IL6R: variants seen among roughly 807,000 people sequenced by gnomAD.
IL6R encodes the protein interleukin 6 receptor.
In IL6R, 38 loss-of-function variants were observed where a neutral mutation model predicts 48.3. The ratio of observed to expected loss-of-function variants is 0.79; its 90% CI spans 0.61 to 1.03. The LOEUF (loss-of-function observed/expected upper bound fraction) is 1.03. Among genes scored for constraint, IL6R ranks in the 50% least tolerant of loss-of-function variants. IL6R has a pLI of 0.00. For missense variants in IL6R, 534 were observed against 618.3 expected, an observed-to-expected ratio of 0.86 and a Z score of 1.45; for synonymous variants, 264 against 256.2, an observed-to-expected ratio of 1.03 and a Z score of -0.29.
intron 1 of IL6R, among the ~76,000 whole-genome samples, chr1:154,407,640 G>T (rs1202525104): frequency 2.0e-5 from 3 of 152,240 alleles, no homozygotes; most frequent in Non-Finnish European, 4.4e-5. Context: ...TTAGAGAAGT[G>T]AGGAGCAGAG....
intron 1 of IL6R, among the ~76,000 whole-genome samples, chr1:154,417,828 G>A (rs1329180995): frequency 6.7e-6 from 1 of 149,974 alleles, no homozygotes; most frequent in African/African-American, 2.5e-5. Flanking sequence ...GCAACCTTCC[G>A]GTTTCAAGCG....
At chr1:154,424,673 A>G (rs547496603) in intron 1 of IL6R, among the ~76,000 whole-genome samples, 1 of 152,218 alleles carries the variant, frequency 6.6e-6, no homozygotes, top group African/African-American at 2.4e-5. Context: ...TGCATCTTCC[A>G]TACGTAACCG....
rs528052637 is a variant in IL6R at position 154,428,818 on chromosome 1, C to T, written c.86-378C>T. Among the ~76,000 whole-genome samples the T allele has an allele frequency of 2.6e-5, 4 of 152,024 alleles. No individual in the cohort carries two copies. The South Asian group carries it at 6.3e-4, about 24-fold the overall frequency. On this transcript the variant is annotated intron_variant, in intron 1 of 9. Transcript: ENST00000368485. ...GGAAGAACGAGTGTGAGGAGGAGAG[C>T]GAGGGGAGTTGAGGGGAGGGCTCCA...
rs924739770 is a variant in IL6R at position 154,405,573 on chromosome 1, G to A, written c.-57G>A. 591 of 890,980 alleles carry A rather than the reference G, an allele frequency of 6.6e-4. 1 individual carries two copies. The highest frequency in any genetic ancestry group is 8.1e-4 in the Non-Finnish European group (543 of 668,022). 55.2% of individuals were successfully genotyped at this position (890,980 alleles called of 1,614,324 possible). A position where few individuals can be genotyped will look rare whatever the true frequency, so the allele number is the denominator to read the frequency against. Reference sequence around the variant, plus strand: ...CCGCCCCTGCCACCCCTGCCGCCCGGTTCCCATTAGCCTGTCCGCCTCTGC... The same window carrying A: ...CCGCCCCTGCCACCCCTGCCGCCCGATTCCCATTAGCCTGTCCGCCTCTGC... On this transcript the variant is annotated 5_prime_UTR_variant, in exon 1 of 10. Transcript: ENST00000368485. The surrounding 1 kb of genome is among the most constrained non-coding windows in gnomAD (Gnocchi z 5.2).
At chr1:154,430,072 G>A (rs1461405545) in intron 2 of IL6R, among the ~76,000 whole-genome samples, 2 of 152,020 alleles carry the variant, frequency 1.3e-5, no homozygotes, top group African/African-American at 4.8e-5. Flanking sequence ...GGGAAAGCAG[G>A]CTTATCATCA....
chr1:154,463,477 T>C (rs1691375263), intron 9 of IL6R, among the ~76,000 whole-genome samples: 1 of 152,228 alleles, frequency 6.6e-6, no homozygotes, highest in Non-Finnish European at 1.5e-5. Flanking sequence ...CCTGTCGATA[T>C]AAAAAGAAAC....
intron 8 of IL6R, among the ~76,000 whole-genome samples, chr1:154,453,170 A>G (rs1198347268): frequency 6.6e-6 from 1 of 152,204 alleles, no homozygotes; most frequent in African/African-American, 2.4e-5. Flanking sequence ...ACACCACTGC[A>G]CTCCAGCCTG....
intron 6 of IL6R, chr1:154,445,090 T>C (rs1690144030): frequency 4.4e-6 from 2 of 456,160 alleles, no homozygotes; most frequent in Non-Finnish European, 8.8e-6. Context: ...GGGACCCAGC[T>C]GGAGGTGAGT....
intron 6 of IL6R, among the ~76,000 whole-genome samples, chr1:154,447,496 C>CACATATATAT (rs1553309671): frequency 2.9e-5 from 2 of 69,024 alleles, no homozygotes; most frequent in East Asian, 3.2e-4. Context: ...CACACACACA[C>CACATATATAT]ACACACATAT....
At chr1:154,453,179 TG>T (rs1239324112) in intron 8 of IL6R, among the ~76,000 whole-genome samples, 1 of 152,120 alleles carries the variant, frequency 6.6e-6, no homozygotes, top group Non-Finnish European at 1.5e-5. Flanking sequence ...CACTCCAGCC[TG>T]GGTGACAAGA....
intron 3 of IL6R, among the ~76,000 whole-genome samples, chr1:154,431,736 G>A (rs562107198): frequency 5.2e-4 from 79 of 152,282 alleles, no homozygotes; most frequent in South Asian, 2.5e-3. Context: ...GTTAGAAGGA[G>A]GATCAGCTGT....
chr1:154,464,724 C>T (rs971614317), intron 9 of IL6R, among the ~76,000 whole-genome samples: 2 of 151,848 alleles, frequency 1.3e-5, no homozygotes, highest in South Asian at 4.2e-4. Context: ...TTTGGGAGGC[C>T]GAGGCGGGCG....
chr1:154,459,965 G>A (rs995551134), intron 9 of IL6R, among the ~76,000 whole-genome samples: 1 of 152,146 alleles, frequency 6.6e-6, no homozygotes, highest in African/African-American at 2.4e-5. Context: ...ACAGCTGGGG[G>A]ACGGGCAGAG....
chr1:154,464,760 A>C (rs937778300), intron 9 of IL6R, among the ~76,000 whole-genome samples: 4 of 151,940 alleles, frequency 2.6e-5, no homozygotes, highest in Non-Finnish European at 4.4e-5. Flanking sequence ...GGAATTCAAG[A>C]CCAGCCTGAG....
At chr1:154,458,029 C>T (rs560694331) in intron 9 of IL6R, among the ~76,000 whole-genome samples, 27 of 146,096 alleles carry the variant, frequency 1.8e-4, no homozygotes, top group African/African-American at 6.1e-4. Context: ...TGCAGTGGCG[C>T]GATCTTGGCT....
chr1:154,424,596 T>C (rs1688864476), intron 1 of IL6R, among the ~76,000 whole-genome samples: 1 of 152,248 alleles, frequency 6.6e-6, no homozygotes, highest in Admixed American at 6.5e-5. Flanking sequence ...GGTTTTATCT[T>C]GACAGCTGCT....
chr1:154,465,047 C>T, intron 9 of IL6R, 87 bp from the exon 10 acceptor site: 1 of 1,531,498 alleles, frequency 6.5e-7, no homozygotes, highest in Non-Finnish European at 9.0e-7. Context: ...GCCACCAGGG[C>T]AGCCAGCTGT....
At chr1:154,456,140 T>C (rs1392155284) in intron 9 of IL6R, among the ~76,000 whole-genome samples, 1 of 151,274 alleles carries the variant, frequency 6.6e-6, no homozygotes, top group African/African-American at 2.4e-5. Flanking sequence ...GCCCAGGGTC[T>C]GGGCAAGAGA....
intron 6 of IL6R, among the ~76,000 whole-genome samples, chr1:154,438,229 AAACC>A (rs1298796806): frequency 4.6e-4 from 70 of 151,292 alleles, no homozygotes; most frequent in Non-Finnish European, 8.8e-4. Context: ...TTCCCTGATA[AAACC>A]ACTTGAGACA....
Sources: gnomAD v4.1 joint callset for allele counts (sites outside exome capture counted in the v4.1 genomes callset) on GRCh38, gnomAD v4.1.1 for gene constraint, Gnocchi (gnomAD v3.1) non-coding constraint, MANE v1.5 for transcripts, NCBI Gene and HGNC (gene_info 2026-07-23, HGNC 2026-07-21) for gene names.